The following CAMK2G variants were observed in gnomAD, a reference collection of about 807,000 sequenced individuals.
CAMK2G encodes calcium/calmodulin dependent protein kinase II gamma, also known as calcium/calmodulin-dependent protein kinase type II subunit gamma.
A neutral mutation model predicts 88.7 loss-of-function variants in CAMK2G; 23 were observed. The ratio of observed to expected loss-of-function variants is 0.26; its 90% CI spans 0.19 to 0.37. The LOEUF is 0.37. Among genes scored for constraint, CAMK2G ranks in the 10% least tolerant of loss-of-function variants. The pLI, the probability that CAMK2G is intolerant of heterozygous loss-of-function variation, is 1.00. For missense variants in CAMK2G, 476 were observed against 780.8 expected, an observed-to-expected ratio of 0.61 and a Z score of 4.65; for synonymous variants, 263 against 294.8, an observed-to-expected ratio of 0.89 and a Z score of 1.11.
rs772531683 is a variant in CAMK2G, at chr10:73,852,309, C to T, written c.286G>A (p.Gly96Arg). 2 of 1,614,050 alleles carry T rather than the reference C, an allele frequency of 1.2e-6. No homozygotes were observed. Among genetic ancestry groups the T allele is most frequent in the South Asian group, 2.2e-5 (2 of 91,070 alleles). Reference protein sequence around the residue: ...HYLVFDLVTGGELFEDIVARE... With the variant: ...HYLVFDLVTGRELFEDIVARE... ...GCCACAATGTCTTCAAACAGCTCCC[C>T]GCCGGTAACACTGCAACCAACGGGA... The change falls in exon 5 of 23, where the codon GGG becomes AGG. Residue 96 changes from glycine to arginine, a missense_variant. Transcript: ENST00000423381.
intron 2 of CAMK2G, among the ~76,000 whole-genome samples, chr10:73,862,826 G>A (rs1438452138): frequency 6.6e-6 from 1 of 152,190 alleles, no homozygotes; most frequent in East Asian, 1.9e-4. Flanking sequence ...TAGCTGCCAA[G>A]CTATTCCTGT....
intron 2 of CAMK2G, among the ~76,000 whole-genome samples, chr10:73,872,532 C>T (rs949625938): frequency 3.3e-5 from 5 of 152,230 alleles, no homozygotes; most frequent in African/African-American, 1.2e-4. Flanking sequence ...GTCTGTTCTG[C>T]CGCCTGGTGG....
At chr10:73,856,313 C>A (rs1359775753) in intron 3 of CAMK2G, among the ~76,000 whole-genome samples, 1 of 152,210 alleles carries the variant, frequency 6.6e-6, no homozygotes, top group Non-Finnish European at 1.5e-5. Flanking sequence ...GACAAACCAA[C>A]ATCAAGATTC....
intron 22 of CAMK2G, 54 bp downstream of exon 22, chr10:73,814,949 G>T: frequency 1.6e-6 from 2 of 1,259,740 alleles, no homozygotes; most frequent in Non-Finnish European, 2.3e-6. Flanking sequence ...TTCTTCCTCT[G>T]ACCCCACCTA....
chr10:73,824,898 C>T (rs1318045625), intron 16 of CAMK2G, among the ~76,000 whole-genome samples: 1 of 152,298 alleles, frequency 6.6e-6, no homozygotes, highest in East Asian at 1.9e-4. Context: ...TACAAGGGGG[C>T]CTCCAAGAAC....
intron 1 of CAMK2G, among the ~76,000 whole-genome samples, chr10:73,873,986 C>T (rs1231720838): frequency 6.6e-6 from 1 of 150,554 alleles, no homozygotes; most frequent in African/African-American, 2.4e-5. Context: ...GCCCGGGCTC[C>T]GCAGCAGAGC....
chr10:73,847,098 G>A, intron 10 of CAMK2G, 127 bp downstream of exon 10: 1 of 958,682 alleles, frequency 1.0e-6, no homozygotes, highest in Non-Finnish European at 1.6e-6. Flanking sequence ...ACAGTCCTCT[G>A]CCCGCCTGCT....
At chr10:73,870,644 CA>C (rs2095795265) in intron 2 of CAMK2G, among the ~76,000 whole-genome samples, 1 of 152,202 alleles carries the variant, frequency 6.6e-6, no homozygotes, top group African/African-American at 2.4e-5. Flanking sequence ...ACCCAGTGAA[CA>C]CAGCAAGCCC....
intron 20 of CAMK2G, 100 bp downstream of exon 20, chr10:73,817,379 G>C: frequency 3.2e-6 from 3 of 948,150 alleles, no homozygotes; most frequent in Non-Finnish European, 5.1e-6. Context: ...CTTTGCCCAA[G>C]GTCCAACCTC....
At chr10:73,832,985 A>C (rs1419458076) in intron 14 of CAMK2G, among the ~76,000 whole-genome samples, 5 of 147,294 alleles carry the variant, frequency 3.4e-5, no homozygotes, top group African/African-American at 1.3e-4. Context: ...TTTTTTTTTA[A>C]ACAGAGCCTC....
At chr10:73,856,769 C>T (rs1427697138) in intron 3 of CAMK2G, among the ~76,000 whole-genome samples, 2 of 152,232 alleles carry the variant, frequency 1.3e-5, no homozygotes, top group African/African-American at 2.4e-5. Context: ...AACCTAATTG[C>T]TGTTCTTTAA....
chr10:73,842,047 C>G lies in CAMK2G; in HGVS notation c.946+122G>C. ...GCAGCCCCTCAAAACAGGATCCTCA[C>G]TCGCCCTGGTCAAGGTGTGGCCCAG... On this transcript the variant is annotated intron_variant, in intron 12 of 22. Coordinates refer to ENST00000423381, the MANE Select transcript of CAMK2G (RefSeq NM_001367534.1). The surrounding 1 kb of genome is among the most constrained non-coding windows in gnomAD (Gnocchi z 4.6). 2 of 786,898 alleles carry G rather than the reference C, an allele frequency of 2.5e-6. No individual in the cohort carries two copies. The highest frequency in any genetic ancestry group is 4.6e-6 in the Non-Finnish European group (2 of 436,498). The allele number at this position is 786,898 out of a possible 1,614,324, so 48.7% of individuals were successfully genotyped here.
chr10:73,864,317 C>A (rs780604159), intron 2 of CAMK2G, among the ~76,000 whole-genome samples: 1 of 151,966 alleles, frequency 6.6e-6, no homozygotes, highest in Non-Finnish European at 1.5e-5. Flanking sequence ...GAAATATTTA[C>A]TGAGGCCTAC....
rs1295820039 is a variant in CAMK2G, at chr10:73,839,717, G to A, written c.947-116C>T. 3 of 545,064 alleles carry A rather than the reference G, an allele frequency of 5.5e-6. No individual in the cohort carries two copies. The highest frequency in any genetic ancestry group is 8.3e-6 in the Non-Finnish European group (3 of 361,428). The allele number at this position is 545,064 out of a possible 1,614,324, so 33.8% of individuals were successfully genotyped here. ...GCGGCGTGGCCAAGCCAGCCGAGCT[G>A]GGGGAGCGGAGCGCCAGGGGCAGGC... is the stretch of plus-strand genomic sequence containing the variant. On this transcript the variant is annotated intron_variant, in intron 12 of 22. Coordinates refer to ENST00000423381, the MANE Select transcript of CAMK2G (RefSeq NM_001367534.1). The surrounding 1 kb of genome is among the most constrained non-coding windows in gnomAD (Gnocchi z 4.2).
rs1184602408 is a variant in CAMK2G, at chr10:73,837,248, C to T, written c.1053+220G>A. On this transcript the variant is annotated intron_variant, in intron 14 of 22. Transcript: ENST00000423381. ...GTATAAACTATGATTTGGATCACTT[C>T]CCCTGAGTCATTCCCATCCAGCTAG... The T allele has an allele frequency of 6.6e-6, 4 of 607,544 alleles. No individual in the cohort carries two copies. In the Admixed American group the frequency reaches 1.1e-4, roughly 17 times the overall value. The allele number at this position is 607,544 out of a possible 1,614,324, so 37.6% of individuals were successfully genotyped here.
At chr10:73,831,475 T>C (rs1312870953) in intron 14 of CAMK2G, among the ~76,000 whole-genome samples, 2 of 142,596 alleles carry the variant, frequency 1.4e-5, no homozygotes, top group Non-Finnish European at 3.0e-5. Flanking sequence ...GAGGCGGAGG[T>C]TGCAGTGAGC....
At chr10:73,846,970 C>T (rs1010814621) in intron 10 of CAMK2G, 30 of 454,610 alleles carry the variant, frequency 6.6e-5, no homozygotes, top group Non-Finnish European at 9.9e-5. Flanking sequence ...GAGCCCTCAT[C>T]CAAGAACAGA....
At chr10:73,840,519 ATTGT>A (rs1375743044) in intron 12 of CAMK2G, among the ~76,000 whole-genome samples, 1 of 152,150 alleles carries the variant, frequency 6.6e-6, no homozygotes, top group Non-Finnish European at 1.5e-5. Context: ...TGCTTGCAAC[ATTGT>A]TTGTCTCCTC....
intron 3 of CAMK2G, among the ~76,000 whole-genome samples, chr10:73,854,935 A>C (rs2094916392): frequency 6.6e-6 from 1 of 152,136 alleles, no homozygotes; most frequent in South Asian, 2.1e-4. Context: ...TCCCAATCTC[A>C]GTATTTCTGG....
Sources: gnomAD v4.1 joint callset for allele counts (sites outside exome capture counted in the v4.1 genomes callset) on GRCh38, gnomAD v4.1.1 for gene constraint, Gnocchi (gnomAD v3.1) non-coding constraint, MANE v1.5 for transcripts, NCBI Gene and HGNC (gene_info 2026-07-23, HGNC 2026-07-21) for gene names.